Variants in PALD1 observed in about 807,000 individuals in gnomAD.
PALD1 encodes the protein paladin.
PALD1 carries 57 observed loss-of-function variants against 96.0 expected under a neutral mutation model. That is an observed-to-expected ratio of 0.59 (90% CI 0.48 to 0.74). The LOEUF is 0.74. Among genes scored for constraint, PALD1 ranks in the 30% least tolerant of loss-of-function variants. The pLI is 0.00. For missense variants in PALD1, 1,063 were observed against 1,143.7 expected, an observed-to-expected ratio of 0.93 and a Z score of 1.02; for synonymous variants, 464 against 473.6, an observed-to-expected ratio of 0.98 and a Z score of 0.26.
chr10:70,470,574 T>C, the PALD1 span, among the ~76,000 whole-genome samples: 1 of 141,972 alleles, frequency 7.0e-6, no homozygotes, highest in African/African-American at 2.8e-5. Context: ...ATAAATAATA[T>C]TATTTTTTAT....
chr10:70,541,482 A>C lies in PALD1; in HGVS notation c.2069A>C (p.Glu690Ala), dbSNP rs1359433820. 7 of 1,613,736 alleles carry C rather than the reference A, an allele frequency of 4.3e-6. No individual in the cohort carries two copies. Among genetic ancestry groups the C allele is most frequent in the Middle Eastern group, 1.7e-4 (1 of 6,022 alleles). Residue 690 changes from glutamate (E) to alanine (A), a missense_variant, in exon 17 of 20, where the codon GAG becomes GCG. By Grantham distance (107) the Glu-to-Ala change is moderately radical (BLOSUM62 -1). Coordinates refer to ENST00000263563, the MANE Select transcript of PALD1 (RefSeq NM_014431.3). ...WHIQGFPEVG[E>A]EELVSVPDAK... Reference sequence around the variant, plus strand: ...CCTCAGGGCTTCCCCGAGGTGGGTGAGGAGGAGCTCGTGAGTGTGCCTGAT... The same window carrying C: ...CCTCAGGGCTTCCCCGAGGTGGGTGCGGAGGAGCTCGTGAGTGTGCCTGAT...
At position 70,541,246 on chromosome 10, in the gene PALD1, C is replaced by T. The variant is rs73270899; in HGVS notation, c.2049+4C>T. 1,172 of 1,600,376 alleles carry T rather than the reference C, an allele frequency of 7.3e-4. 11 individuals carry two copies. The African/African-American group carries it at 0.013, about 17-fold the overall frequency. ...CCTGGCCTTCTGGCACATCCAAGTA[C>T]GTGTGGCCTCTCAAGTGAGATTAGA... On this transcript the variant is annotated splice_donor_region_variant and intron_variant, in intron 16 of 19. Transcript: ENST00000263563.
chr10:70,559,294 G>A (rs779322515), intron 18 of PALD1, among the ~76,000 whole-genome samples: 2 of 152,114 alleles, frequency 1.3e-5, no homozygotes, highest in African/African-American at 4.8e-5. Flanking sequence ...TGCAGTCCCC[G>A]AGGTGGGAGC....
At chr10:70,544,708 C>T (rs781625728) in intron 17 of PALD1, among the ~76,000 whole-genome samples, 8 of 152,150 alleles carry the variant, frequency 5.3e-5, no homozygotes, top group Non-Finnish European at 1.0e-4. Flanking sequence ...AGAGCTGCAG[C>T]CCTCTGTCTG....
chr10:70,538,954 C>A lies in PALD1; in HGVS notation c.1515C>A (p.Asn505Lys), dbSNP rs1847174033. Residue 505 changes from asparagine (N) to lysine (K), a missense_variant, in exon 13 of 20, where the codon AAC becomes AAA. Transcript: ENST00000263563. ...CTGTCAGAGAGATGGATGTGGCCAACTTCCGGCGGGTGCCCCGCATGCCCA... is the reference window on the plus strand; with the variant it reads ...CTGTCAGAGAGATGGATGTGGCCAAATTCCGGCGGGTGCCCCGCATGCCCA... ...LSTVREMDVANFRRVPRMPIY... is the reference protein window; with the variant it reads ...LSTVREMDVAKFRRVPRMPIY... 2 of 1,613,882 alleles carry A rather than the reference C, an allele frequency of 1.2e-6. No individual in the cohort carries two copies. The highest frequency in any genetic ancestry group is 1.7e-6 in the Non-Finnish European group (2 of 1,179,986).
chr10:70,519,892 C>T (rs537110751), intron 1 of PALD1, among the ~76,000 whole-genome samples: 4 of 152,156 alleles, frequency 2.6e-5, no homozygotes, highest in East Asian at 1.9e-4. Flanking sequence ...AGGATTTTAA[C>T]ATATGAGTTT....
chr10:70,519,233 G>A (rs1167555378), intron 1 of PALD1, among the ~76,000 whole-genome samples: 2 of 152,102 alleles, frequency 1.3e-5, no homozygotes, highest in Admixed American at 6.5e-5. Flanking sequence ...GTGAGCTACT[G>A]TGCCTGGCCT....
At chr10:70,471,528 T>C in the PALD1 span, among the ~76,000 whole-genome samples, 1 of 152,234 alleles carries the variant, frequency 6.6e-6, no homozygotes, top group Non-Finnish European at 1.5e-5. Context: ...TCAGCTCACA[T>C]ACATCTGCCT....
At chr10:70,557,676 G>C (rs927432556) in intron 18 of PALD1, among the ~76,000 whole-genome samples, 5 of 152,236 alleles carry the variant, frequency 3.3e-5, no homozygotes, top group African/African-American at 4.8e-5. Context: ...GCAGCGGCTG[G>C]TGCTGCACGT....
rs1407236094 is a variant in PALD1, at chr10:70,526,085, A to C, written c.134A>C (p.Asn45Thr). Residue 45 changes from asparagine to threonine, a missense_variant, in exon 2 of 20, where the codon AAC (asparagine) becomes ACC (threonine). Coordinates refer to ENST00000263563, the MANE Select transcript of PALD1 (RefSeq NM_014431.3). ...IHSFQSTSLH[N>T]SKAKSIIPNK... ...TCCTTCCAGAGCACTAGCTTGCATA[A>C]CAGCAAGGCCAAGTCCATCATCCCC... The C allele has an allele frequency of 6.2e-7, 1 of 1,614,186 alleles. No individual in the cohort carries two copies. The highest frequency in any genetic ancestry group is 2.2e-5 in the East Asian group (1 of 44,874).
chr10:70,550,685 G>C (rs1847463109), intron 18 of PALD1, among the ~76,000 whole-genome samples: 1 of 152,170 alleles, frequency 6.6e-6, no homozygotes, highest in African/African-American at 2.4e-5. Context: ...CTGTGGATTT[G>C]CATGGTCTGG....
intron 18 of PALD1, among the ~76,000 whole-genome samples, chr10:70,551,901 G>A (rs1564709054): frequency 2.1e-5 from 3 of 144,988 alleles, no homozygotes; most frequent in Admixed American, 6.9e-5. Flanking sequence ...TGAGCAAAGA[G>A]TCTCCCAGTC....
intron 18 of PALD1, among the ~76,000 whole-genome samples, chr10:70,549,003 G>A (rs1475860981): frequency 2.5e-5 from 3 of 120,604 alleles, no homozygotes; most frequent in African/African-American, 8.6e-5. Context: ...GAGGCTAGGA[G>A]TTTGAGACCT....
chr10:70,497,872 C>T (rs376935867), intron 1 of PALD1, among the ~76,000 whole-genome samples: 13 of 152,244 alleles, frequency 8.5e-5, no homozygotes, highest in African/African-American at 3.1e-4. Context: ...ATGTGCCTGG[C>T]CTATTAAAAA....
chr10:70,490,239 T>C (rs749723629), intron 1 of PALD1, among the ~76,000 whole-genome samples: 16 of 152,086 alleles, frequency 1.1e-4, no homozygotes, highest in Non-Finnish European at 1.9e-4. Flanking sequence ...CTCTCTCTCT[T>C]TTTTAAAGGT....
chr10:70,536,139 A>G (rs531528362), intron 10 of PALD1, among the ~76,000 whole-genome samples: 3 of 152,242 alleles, frequency 2.0e-5, no homozygotes, highest in African/African-American at 7.2e-5. Context: ...GTGTGGTGGC[A>G]CGCGTAGTAC....
Position 70,497,512 on chromosome 10 carries a change from C to T in PALD1, c.-30+18453C>T, listed in dbSNP as rs528754770. On this transcript the variant is annotated intron_variant, in intron 1 of 19. Coordinates refer to ENST00000263563, the MANE Select transcript of PALD1 (RefSeq NM_014431.3). The stretch of plus-strand genomic sequence containing the variant: ...CTCTTTCCATATCTGCTCCATCTCT[C>T]CATCCTGAGCTCTGCAGGGCTGGAG... Among the ~76,000 whole-genome samples the T allele has an allele frequency of 4.6e-5, 7 of 152,294 alleles. No individual in the cohort carries two copies. The South Asian group carries it at 1.5e-3, about 32-fold the overall frequency.
intron 16 of PALD1, 78 bp downstream of exon 16, chr10:70,541,320 C>T (rs1847241345): frequency 6.5e-7 from 1 of 1,544,306 alleles, no homozygotes; most frequent in South Asian, 1.2e-5. Context: ...ACACTGGCTC[C>T]ACAGGAGGGT....
At chr10:70,474,453 C>A (rs1414352234), upstream of PALD1, among the ~76,000 whole-genome samples, 1 of 151,954 alleles carries the variant, frequency 6.6e-6, no homozygotes, top group Non-Finnish European at 1.5e-5. Flanking sequence ...TCTAACTACT[C>A]GGGAGCCTGA....
Sources: gnomAD v4.1 joint callset for allele counts (sites outside exome capture counted in the v4.1 genomes callset) on GRCh38, gnomAD v4.1.1 for gene constraint, MANE v1.5 for transcripts, NCBI Gene and HGNC (gene_info 2026-07-23, HGNC 2026-07-21) for gene names.